The following MEIS2 variants were observed in gnomAD, a reference collection of about 807,000 sequenced individuals.
MEIS2 encodes the protein homeobox protein Meis2.
Under a neutral mutation model 58.6 loss-of-function variants are expected in MEIS2, and 9 were observed. That is an observed-to-expected ratio of 0.15 (90% CI 0.09 to 0.27). The LOEUF (loss-of-function observed/expected upper bound fraction) is 0.27. Among genes scored for constraint, MEIS2 ranks in the 10% least tolerant of loss-of-function variants. MEIS2 has a pLI of 1.00. For missense variants in MEIS2, 427 were observed against 635.0 expected (o/e 0.67, Z 3.52); for synonymous variants, 221 against 228.4 (o/e 0.97, Z 0.29).
At chr15:37,009,505 GT>G (rs914876005) in intron 8 of MEIS2, among the ~76,000 whole-genome samples, 20 of 152,186 alleles carry the variant, frequency 1.3e-4, no homozygotes, top group Admixed American at 1.2e-3. Context: ...ATACCTAAGT[GT>G]TGTGTAAATG....
intron 7 of MEIS2, among the ~76,000 whole-genome samples, chr15:37,076,212 C>G (rs996268275): frequency 6.6e-6 from 1 of 151,730 alleles, no homozygotes; most frequent in Non-Finnish European, 1.5e-5. Flanking sequence ...AGCAAAAAAG[C>G]AATAAGACTT....
At chr15:37,005,840 T>A in intron 8 of MEIS2, among the ~76,000 whole-genome samples, 1 of 152,204 alleles carries the variant, frequency 6.6e-6, no homozygotes, top group East Asian at 1.9e-4. Context: ...ATTACAGGTG[T>A]ACGCCACTGG....
At chr15:37,098,452 AG>A (rs1894662580) in intron 1 of MEIS2, 12 of 1,160,302 alleles carry the variant, frequency 1.0e-5, no homozygotes, top group Non-Finnish European at 1.3e-5. Context: ...AAAGTCAGAA[AG>A]GAGAAAAGTA....
intron 7 of MEIS2, among the ~76,000 whole-genome samples, chr15:37,080,365 G>T (rs62045827): frequency 6.6e-6 from 1 of 152,076 alleles, no homozygotes; most frequent in South Asian, 2.1e-4. Context: ...TCTAAACACT[G>T]AGGGGTCTAT....
At chr15:37,098,253 A>AG (rs570132118) in intron 1 of MEIS2, 54 bp from the exon 2 acceptor site, 2 of 1,451,870 alleles carry the variant, frequency 1.4e-6, no homozygotes, top group African/African-American at 1.4e-5. Context: ...AGAACAGAGG[A>AG]GGGGGGTGGA....
At chr15:36,922,152 G>C (rs2057537055) in intron 9 of MEIS2, among the ~76,000 whole-genome samples, 2 of 152,324 alleles carry the variant, frequency 1.3e-5, no homozygotes, top group South Asian at 2.1e-4. Flanking sequence ...GAGTAGAAGG[G>C]AGAGCATTGG....
rs368353698 is a variant in MEIS2, at chr15:37,064,218, A to T, written c.754+19553T>A. Among the ~76,000 whole-genome samples the T allele has an allele frequency of 1.6e-4, 25 of 152,308 alleles. No homozygotes were observed. The South Asian group carries it at 5.2e-3, about 32-fold the overall frequency. On this transcript the variant is annotated intron_variant, in intron 7 of 11. Coordinates refer to ENST00000561208, the MANE Select transcript of MEIS2 (RefSeq NM_170675.5). ...TCTCCATACAATATATCAACTAAAT[A>T]GAAAACTAGGAAATTAAAGACATCT...
chr15:37,051,165 G>T (rs2062903185), intron 7 of MEIS2, among the ~76,000 whole-genome samples: 2 of 152,176 alleles, frequency 1.3e-5, no homozygotes, highest in Non-Finnish European at 2.9e-5. Context: ...CTAGCCTCAT[G>T]TAGTACCTGA....
chr15:37,100,847 G>A (rs113336666), upstream of MEIS2: 2 of 150,870 alleles, frequency 1.3e-5, no homozygotes, highest in African/African-American at 2.4e-5. Context: ...GGGAAAGTAC[G>A]GTACCGCCTC....
chr15:37,098,864 G>C, intron 1 of MEIS2: 2 of 972,924 alleles, frequency 2.1e-6, no homozygotes, highest in South Asian at 9.5e-5. Flanking sequence ...CGGGGGCAGG[G>C]AGCGGAGGGT....
intron 9 of MEIS2, 111 bp from the exon 10 acceptor site, chr15:36,896,797 A>T (rs529261408): frequency 2.5e-4 from 224 of 885,740 alleles, no homozygotes; most frequent in Non-Finnish European, 3.7e-4. Context: ...TCTGAAAATT[A>T]TCTTTTCAAT....
intron 7 of MEIS2, among the ~76,000 whole-genome samples, chr15:37,074,949 C>T (rs554515630): frequency 6.6e-6 from 1 of 152,068 alleles, no homozygotes; most frequent in African/African-American, 2.4e-5. Flanking sequence ...ATTATATTTG[C>T]CCAAATGCAA....
intron 9 of MEIS2, among the ~76,000 whole-genome samples, chr15:36,933,829 G>A (rs988350192): frequency 6.6e-6 from 1 of 152,148 alleles, no homozygotes; most frequent in Non-Finnish European, 1.5e-5. Flanking sequence ...TAACTCATAA[G>A]GGTGTTAGGA....
At chr15:36,907,157 G>A (rs969889586) in intron 9 of MEIS2, among the ~76,000 whole-genome samples, 1 of 152,176 alleles carries the variant, frequency 6.6e-6, no homozygotes, top group South Asian at 2.1e-4. Context: ...AAACAATCAA[G>A]GGTGGGTTTT....
At chr15:37,079,075 T>C (rs1891845260) in intron 7 of MEIS2, among the ~76,000 whole-genome samples, 1 of 152,048 alleles carries the variant, frequency 6.6e-6, no homozygotes, top group African/African-American at 2.4e-5. Flanking sequence ...CAACAGAAAA[T>C]CTTTGGATGT....
chr15:36,994,956 G>A (rs540510108), intron 8 of MEIS2, among the ~76,000 whole-genome samples: 5 of 152,192 alleles, frequency 3.3e-5, no homozygotes, highest in Non-Finnish European at 7.3e-5. Context: ...ACCTCACATA[G>A]CTCACATATG....
At chr15:37,032,588 A>G (rs2061973817) in intron 8 of MEIS2, among the ~76,000 whole-genome samples, 1 of 152,206 alleles carries the variant, frequency 6.6e-6, no homozygotes, top group Non-Finnish European at 1.5e-5. Flanking sequence ...GCAAAGGCAC[A>G]CACATTTCCA....
intron 8 of MEIS2, among the ~76,000 whole-genome samples, chr15:36,976,921 C>A (rs377247918): frequency 6.6e-6 from 1 of 152,102 alleles, no homozygotes; most frequent in East Asian, 1.9e-4. Context: ...GTCGGGAGTT[C>A]GAGACCAGCC....
chr15:36,971,543 A>AAAAAAAAAAAAAAAAAAAAAAAC (rs2059566843), intron 8 of MEIS2, among the ~76,000 whole-genome samples: 1 of 119,852 alleles, frequency 8.3e-6, no homozygotes, highest in South Asian at 4.1e-4. Flanking sequence ...ACATTAAAAA[A>AAAAAAAAAAAAAAAAAAAAAAAC]AAAAAAAAAA....
Sources: allele counts gnomAD v4.1 joint callset (sites outside exome capture counted in the v4.1 genomes callset), GRCh38; gene constraint gnomAD v4.1.1; transcripts MANE v1.5; gene names NCBI Gene and HGNC (gene_info 2026-07-23, HGNC 2026-07-21).